ABCB9: variants seen among roughly 807,000 people sequenced by gnomAD.
ABCB9 encodes the protein ABC-type oligopeptide transporter ABCB9.
Under a neutral mutation model 62.0 loss-of-function variants are expected in ABCB9, and 36 were observed. The observed-to-expected ratio is 0.58, with a 90% CI of 0.45 to 0.77. ABCB9 has a LOEUF of 0.77. Ranked by LOEUF, ABCB9 falls within the 30% of genes least tolerant of loss-of-function variation. The pLI, the probability that ABCB9 is intolerant of heterozygous loss-of-function variation, is 0.00. For missense variants in ABCB9, 943 were observed against 1,054.7 expected (o/e 0.89, Z 1.47); for synonymous variants, 435 against 461.4 (o/e 0.94, Z 0.73).
At chr12:122,948,874 TGG>T in intron 4 of ABCB9, 45 bp from the exon 5 acceptor site, 1 of 1,142,904 alleles carries the variant, frequency 8.7e-7, no homozygotes, top group Non-Finnish European at 1.1e-6. Context: ...ACCCGGGCCT[TGG>T]GGGTGGCGGT....
At chr12:122,934,081 T>G (rs1303996571) in intron 10 of ABCB9, among the ~76,000 whole-genome samples, 1 of 151,492 alleles carries the variant, frequency 6.6e-6, no homozygotes, top group Non-Finnish European at 1.5e-5. Flanking sequence ...CCGTCTCTAC[T>G]AACAATACAA....
chr12:122,963,555 C>T (rs1229136389), intron 1 of ABCB9, among the ~76,000 whole-genome samples: 2 of 152,004 alleles, frequency 1.3e-5, no homozygotes, highest in African/African-American at 4.8e-5. Context: ...GCTAGGTGAC[C>T]CACAGAGTTG....
chr12:122,950,014 C>T lies in ABCB9; in HGVS notation c.717-96G>A, dbSNP rs2036274779. The T allele has an allele frequency of 2.6e-6, 4 of 1,530,080 alleles. No homozygotes were observed. In the African/African-American group the frequency reaches 4.1e-5, roughly 16 times the overall value. The allele number at this position is 1,530,080 out of a possible 1,614,324, so 94.8% of individuals were successfully genotyped here. A position where few individuals can be genotyped will look rare whatever the true frequency, so the allele number is the denominator to read the frequency against. On this transcript the variant is annotated intron_variant, in intron 3 of 11. Coordinates refer to ENST00000280560, the MANE Select transcript of ABCB9 (RefSeq NM_019625.4). ...CCGCTGCCGGCAGGCCTGGGAGCCC[C>T]ACCGCAGCCCCACTCCAGGGCTGGC...
At chr12:122,941,337 T>G (rs976744689) in intron 7 of ABCB9, among the ~76,000 whole-genome samples, 3 of 147,080 alleles carry the variant, frequency 2.0e-5, no homozygotes, top group Non-Finnish European at 4.5e-5. Flanking sequence ...TAAGATGGAG[T>G]CTCCCTCTGT....
rs2036310043 is a variant in ABCB9 at position 122,950,574 on chromosome 12, G to A, written c.602-9C>T. 1.2e-6 allele frequency: 2 copies of A among 1,608,790 alleles called. No homozygotes were observed. The highest frequency in any genetic ancestry group is 8.5e-7 in the Non-Finnish European group (1 of 1,178,648). On this transcript the variant is annotated splice_polypyrimidine_tract_variant and intron_variant, in intron 2 of 11. Coordinates refer to ENST00000280560, the MANE Select transcript of ABCB9 (RefSeq NM_019625.4). Reference sequence around the variant, plus strand: ...GGGCAGGAAGGTCTCTCCTGGGGGAGGCAGGGCAGCCTCAGGGACGTCTGC... The same window carrying A: ...GGGCAGGAAGGTCTCTCCTGGGGGAAGCAGGGCAGCCTCAGGGACGTCTGC...
intron 9 of ABCB9, among the ~76,000 whole-genome samples, chr12:122,938,635 T>C (rs943607816): frequency 1.3e-5 from 2 of 151,838 alleles, no homozygotes; most frequent in Admixed American, 1.3e-4. Context: ...GAGACCATCC[T>C]GGCTAACATG....
At chr12:122,965,379 C>A (rs1041539219) in intron 1 of ABCB9, among the ~76,000 whole-genome samples, 4 of 152,216 alleles carry the variant, frequency 2.6e-5, no homozygotes, top group Admixed American at 6.5e-5. Flanking sequence ...CCATTCCATT[C>A]GCTGCGCAGC....
chr12:122,934,797 GTTA>G lies in ABCB9; in HGVS notation c.1903+472_1903+474del, dbSNP rs550727680. Among the ~76,000 whole-genome samples the G allele has an allele frequency of 1.4e-4, 21 of 151,304 alleles. 1 individual carries two copies. The South Asian group carries it at 3.5e-3, about 26-fold the overall frequency. On this transcript the variant is annotated intron_variant, in intron 10 of 11. Coordinates refer to ENST00000280560, the MANE Select transcript of ABCB9 (RefSeq NM_019625.4). ...AGTTTCTTTATGCAAATATGAACAT[GTTA>G]TTTTTATCTCCCCAGTCCTTTAATA...
intron 2 of ABCB9, among the ~76,000 whole-genome samples, chr12:122,954,794 C>T (rs1436935048): frequency 6.6e-6 from 1 of 152,186 alleles, no homozygotes; most frequent in Non-Finnish European, 1.5e-5. Flanking sequence ...CACTTGGCCT[C>T]TAAAGAACCT....
In ABCB9 at chr12:122,946,153, T is replaced by C. The variant is rs2036035700; in HGVS notation, c.1123A>G (p.Met375Val). The C allele has an allele frequency of 6.2e-7, 1 of 1,614,170 alleles. No individual in the cohort carries two copies. The highest frequency in any genetic ancestry group is 8.5e-7 in the Non-Finnish European group (1 of 1,180,040). Reference sequence around the variant, plus strand: ...TTGGCGAAGCTCCGGACAGTCTTCATGGCACTGATGGTCTCCTCCGCCGTG... The same window carrying C: ...TTGGCGAAGCTCCGGACAGTCTTCACGGCACTGATGGTCTCCTCCGCCGTG... The part of the protein sequence containing the change: ...SNTAEETISA[M>V]KTVRSFANEE... The change falls in exon 6 of 12, where the codon ATG (methionine) becomes GTG (valine). Residue 375 changes from methionine to valine, a missense_variant. Coordinates refer to ENST00000280560, the MANE Select transcript of ABCB9 (RefSeq NM_019625.4).
chr12:122,922,508 T>C (rs2034773355), intron 11 of ABCB9, among the ~76,000 whole-genome samples: 1 of 151,784 alleles, frequency 6.6e-6, no homozygotes, highest in South Asian at 2.1e-4. Context: ...GCTTCCCGAG[T>C]AGCTGGGACT....
At chr12:122,937,350 C>T (rs554499316) in intron 9 of ABCB9, among the ~76,000 whole-genome samples, 57 of 149,280 alleles carry the variant, frequency 3.8e-4, no homozygotes, top group Middle Eastern at 3.4e-3. Flanking sequence ...CAGAGCGAGA[C>T]TCCATCTTAA....
At chr12:122,946,944 G>A (rs2036072846) in intron 5 of ABCB9, among the ~76,000 whole-genome samples, 1 of 152,244 alleles carries the variant, frequency 6.6e-6, no homozygotes, top group Non-Finnish European at 1.5e-5. Context: ...CAGGACAGGA[G>A]CATGCACTGG....
chr12:122,953,768 C>T (rs1031493635), intron 2 of ABCB9, among the ~76,000 whole-genome samples: 74 of 152,082 alleles, frequency 4.9e-4, no homozygotes, highest in African/African-American at 1.6e-3. Flanking sequence ...GTGATCTGCC[C>T]GCCTCGGCCT....
At position 122,944,631 on chromosome 12, in the gene ABCB9, A is replaced by G. The variant is rs770179101; in HGVS notation, c.1252-112T>C. The G allele has an allele frequency of 3.4e-6, 5 of 1,465,324 alleles. No homozygotes were observed. In the African/African-American group the frequency reaches 4.2e-5, roughly 12 times the overall value. The allele number at this position is 1,465,324 out of a possible 1,614,324, so 90.8% of individuals were successfully genotyped here. A position where few individuals can be genotyped will look rare whatever the true frequency, so the allele number is the denominator to read the frequency against. On this transcript the variant is annotated intron_variant, in intron 6 of 11. Transcript: ENST00000280560. The surrounding 1 kb of genome is among the most constrained non-coding windows in gnomAD (Gnocchi z 4.9). ...GGAGGTGAGGGCAGACCCAGCCACA[A>G]ACTGAAATGCCGGCCGTTGGCAGGG...
Position 122,929,993 on chromosome 12 carries a change from C to T in ABCB9, c.2219G>A (p.Arg740Gln), listed in dbSNP as rs772750441. ...QGGLYAKLVQ[R>Q]QMLGLQPAAD... ...GGCGGGCTGAAGCCCCAGCATCTGC[C>T]GCTGCACCAGCTTGGCGTAGAGGCC... The change falls in exon 12 of 12, where the codon CGG becomes CAG. Residue 740 changes from arginine (R) to glutamine (Q), a missense_variant. Physicochemically the swap from Arg to Gln is conservative, Grantham distance 43. Transcript: ENST00000280560. The surrounding 1 kb of genome is among the most constrained non-coding windows in gnomAD (Gnocchi z 6.0). 1.2e-5 allele frequency: 19 copies of T among 1,577,546 alleles called. No individual in the cohort carries two copies. The African/African-American group carries it at 1.3e-4, about 11-fold the overall frequency.
intron 9 of ABCB9, among the ~76,000 whole-genome samples, chr12:122,936,881 GCAAC>G (rs1213532217): frequency 6.7e-6 from 1 of 150,296 alleles, no homozygotes; most frequent in East Asian, 1.9e-4. Flanking sequence ...TCCAGCCTGG[GCAAC>G]AAGAGCAAAA....
Position 122,944,234 on chromosome 12 carries a change from T to A in ABCB9, c.1380+157A>T, listed in dbSNP as rs373639421. 3.9e-4 allele frequency among the ~76,000 whole-genome samples: 60 copies of A among 152,276 alleles called. 1 individual carries two copies. In the East Asian group the frequency reaches 4.6e-3, roughly 12 times the overall value. Reference sequence around the variant, plus strand: ...GTGAGCCACCACGCCCTGCCTAGTATTATCATTCTTGATATGATCATGCTG... The same window carrying A: ...GTGAGCCACCACGCCCTGCCTAGTAATATCATTCTTGATATGATCATGCTG... On this transcript the variant is annotated intron_variant, in intron 7 of 11. Transcript: ENST00000280560. The surrounding 1 kb of genome is among the most constrained non-coding windows in gnomAD (Gnocchi z 4.9).
intron 1 of ABCB9, among the ~76,000 whole-genome samples, chr12:122,971,582 T>C (rs1566205696): frequency 6.6e-6 from 1 of 151,828 alleles, no homozygotes; most frequent in Non-Finnish European, 1.5e-5. Context: ...GCCTCCTGAG[T>C]AGCTGGGATC....
Sources: gnomAD v4.1 joint callset for allele counts (sites outside exome capture counted in the v4.1 genomes callset) on GRCh38, gnomAD v4.1.1 for gene constraint, Gnocchi (gnomAD v3.1) non-coding constraint, MANE v1.5 for transcripts, NCBI Gene and HGNC (gene_info 2026-07-23, HGNC 2026-07-21) for gene names.